Variants in CDKAL1 observed in about 807,000 individuals in gnomAD.
CDKAL1 encodes CDKAL1 threonylcarbamoyladenosine tRNA methylthiotransferase, also known as threonylcarbamoyladenosine tRNA methylthiotransferase.
A neutral mutation model predicts 68.2 loss-of-function variants in CDKAL1; 32 were observed. The ratio of observed to expected loss-of-function variants is 0.47; its 90% confidence interval spans 0.35 to 0.63. The LOEUF is 0.63. Among genes scored for constraint, CDKAL1 ranks in the 30% least tolerant of loss-of-function variants. The pLI is 0.00. For synonymous variants in CDKAL1, 234 were observed against 244.3 expected, an observed-to-expected ratio of 0.96 and a Z score of 0.39; for missense variants, 606 against 696.7, an observed-to-expected ratio of 0.87 and a Z score of 1.47.
intron 5 of CDKAL1, among the ~76,000 whole-genome samples, chr6:20,650,309 G>T (rs1444404803): frequency 6.6e-6 from 1 of 152,216 alleles, no homozygotes; most frequent in Non-Finnish European, 1.5e-5. Flanking sequence ...TTTCTCTAAT[G>T]ATCAGAGATG....
chr6:21,161,486 G>C (rs1372285390), intron 13 of CDKAL1, among the ~76,000 whole-genome samples: 1 of 152,180 alleles, frequency 6.6e-6, no homozygotes, highest in Non-Finnish European at 1.5e-5. Flanking sequence ...CAATAATAGA[G>C]AGATGCCCAT....
At chr6:21,059,923 C>G (rs941613523) in intron 11 of CDKAL1, among the ~76,000 whole-genome samples, 10 of 152,104 alleles carry the variant, frequency 6.6e-5, no homozygotes, top group African/African-American at 2.2e-4. Context: ...CCCACCCTCC[C>G]CCTTCTGAGT....
At chr6:20,952,791 C>G (rs1764597408) in intron 9 of CDKAL1, among the ~76,000 whole-genome samples, 1 of 152,240 alleles carries the variant, frequency 6.6e-6, no homozygotes, top group Non-Finnish European at 1.5e-5. Context: ...CTGGCAGGAA[C>G]TGCCTGTGCT....
At chr6:21,039,279 A>G (rs934193831) in intron 11 of CDKAL1, among the ~76,000 whole-genome samples, 12 of 152,156 alleles carry the variant, frequency 7.9e-5, no homozygotes, top group African/African-American at 2.9e-4. Flanking sequence ...GAACAATTTC[A>G]TCCTGAAACC....
chr6:21,187,826 G>C (rs901767933), intron 13 of CDKAL1, among the ~76,000 whole-genome samples: 2 of 152,100 alleles, frequency 1.3e-5, no homozygotes, highest in Admixed American at 6.6e-5. Flanking sequence ...TTCCAAGAAA[G>C]TGACCTATTA....
At chr6:20,845,470 A>G (rs1219419397) in intron 8 of CDKAL1, among the ~76,000 whole-genome samples, 2 of 152,064 alleles carry the variant, frequency 1.3e-5, no homozygotes, top group African/African-American at 2.4e-5. Flanking sequence ...TAGTATTGCC[A>G]TTCTACTTTT....
chr6:20,622,773 C>G (rs1569658), intron 4 of CDKAL1, among the ~76,000 whole-genome samples: 9 of 151,566 alleles, frequency 5.9e-5, no homozygotes, highest in African/African-American at 2.2e-4. Flanking sequence ...CCCCTAAAGC[C>G]TTTCCACTCT....
At chr6:21,091,295 A>C (rs1369823157) in intron 12 of CDKAL1, among the ~76,000 whole-genome samples, 1 of 152,184 alleles carries the variant, frequency 6.6e-6, no homozygotes, top group Non-Finnish European at 1.5e-5. Flanking sequence ...GAAATTGGCA[A>C]CTCACCTCAC....
At chr6:21,024,782 T>C (rs1768871342) in intron 11 of CDKAL1, among the ~76,000 whole-genome samples, 2 of 152,182 alleles carry the variant, frequency 1.3e-5, no homozygotes, top group African/African-American at 4.8e-5. Flanking sequence ...ATACTTCATG[T>C]CCTCATCTCT....
chr6:20,567,011 T>C (rs1764487039), intron 4 of CDKAL1, among the ~76,000 whole-genome samples: 1 of 152,062 alleles, frequency 6.6e-6, no homozygotes, highest in Admixed American at 6.6e-5. Flanking sequence ...GAGGGGTATT[T>C]TTCCTTATTT....
chr6:20,601,427 C>T (rs1023351587), intron 4 of CDKAL1, among the ~76,000 whole-genome samples: 8 of 151,984 alleles, frequency 5.3e-5, no homozygotes, highest in Admixed American at 2.0e-4. Context: ...TAAGTTTTAA[C>T]AAAAGTTTTT....
rs375634991 is a variant in CDKAL1, at chr6:20,637,893, T to G, written c.287-11400T>G. 8.5e-5 allele frequency among the ~76,000 whole-genome samples: 13 copies of G among 152,250 alleles called. 1 individual carries two copies. Among genetic ancestry groups the G allele is most frequent in the Admixed American group, 5.2e-4 (8 of 15,296 alleles). On this transcript the variant is annotated intron_variant, in intron 4 of 15. Transcript: ENST00000274695. Reference sequence around the variant, plus strand: ...ACTGTATATATTTTTATTGTCTTATTTTTTTTTCTCTGAATAATATGACCT... The same window carrying G: ...ACTGTATATATTTTTATTGTCTTATGTTTTTTTCTCTGAATAATATGACCT...
chr6:20,834,805 C>T (rs904861439), intron 8 of CDKAL1, among the ~76,000 whole-genome samples: 5 of 152,108 alleles, frequency 3.3e-5, no homozygotes, highest in Non-Finnish European at 1.5e-5. Flanking sequence ...TCTCCCACAT[C>T]GGAGTTAGAA....
At chr6:21,087,813 C>T (rs1772778230) in intron 12 of CDKAL1, among the ~76,000 whole-genome samples, 1 of 152,022 alleles carries the variant, frequency 6.6e-6, no homozygotes. Context: ...CACACACACA[C>T]ATTTCCTAGA....
chr6:21,072,297 C>G (rs559062840), intron 12 of CDKAL1, among the ~76,000 whole-genome samples: 31 of 152,274 alleles, frequency 2.0e-4, no homozygotes, highest in African/African-American at 7.2e-4. Flanking sequence ...AGCTGTCCTC[C>G]ACGGGCTTGT....
chr6:20,584,046 CTTTTT>C (rs56742923), intron 4 of CDKAL1, among the ~76,000 whole-genome samples: 10 of 140,604 alleles, frequency 7.1e-5, no homozygotes, highest in Admixed American at 2.1e-4. Context: ...TGCTGGTTTC[CTTTTT>C]TTTTTTTTTT....
At position 21,072,160 on chromosome 6, in the gene CDKAL1, C is replaced by T. The variant is rs115251105; in HGVS notation, c.1236+6932C>T. On this transcript the variant is annotated intron_variant, in intron 12 of 15. Transcript: ENST00000274695. ...CTTCAACTCTAATTTTTGTATCTCA[C>T]GCTCATGAGAATGCATCAGGCTCTG... Among the ~76,000 whole-genome samples, 499 of 152,266 alleles carry T rather than the reference C, an allele frequency of 3.3e-3. 5 individuals carry two copies. Among genetic ancestry groups the T allele is most frequent in the African/African-American group, 0.01 (420 of 41,528 alleles).
chr6:20,638,692 A>G lies in CDKAL1; in HGVS notation c.287-10601A>G, dbSNP rs142441330. On this transcript the variant is annotated intron_variant, in intron 4 of 15. Coordinates refer to ENST00000274695, the MANE Select transcript of CDKAL1 (RefSeq NM_017774.3). ...AGTGGCGCGATCTCAGCTCACTGCA[A>G]CCTCCAACTCCCTGGTTCAAGCGAT... 6.7e-3 allele frequency among the ~76,000 whole-genome samples: 1,007 copies of G among 150,952 alleles called. 13 individuals carry two copies. The highest frequency in any genetic ancestry group is 0.024 in the African/African-American group (966 of 41,070).
At chr6:20,833,900 G>A (rs1030528527) in intron 8 of CDKAL1, among the ~76,000 whole-genome samples, 1 of 152,110 alleles carries the variant, frequency 6.6e-6, no homozygotes, top group Non-Finnish European at 1.5e-5. Flanking sequence ...AGTGGTTCTC[G>A]GCATGGTCCG....
Sources: gnomAD v4.1 joint callset for allele counts (sites outside exome capture counted in the v4.1 genomes callset) on GRCh38, gnomAD v4.1.1 for gene constraint, MANE v1.5 for transcripts, NCBI Gene and HGNC (gene_info 2026-07-23, HGNC 2026-07-21) for gene names.